The following REPS1 variants were observed in gnomAD, a reference collection of about 807,000 sequenced individuals.
REPS1 encodes ralBP1-associated Eps domain-containing protein 1.
In REPS1, 39 loss-of-function variants were observed where a neutral mutation model predicts 100.9. The observed-to-expected ratio is 0.39, with a 90% confidence interval of 0.30 to 0.50. REPS1 has a LOEUF of 0.50. Among genes scored for constraint, REPS1 ranks in the 20% least tolerant of loss-of-function variants. The pLI is 0.86. For missense variants in REPS1, 821 were observed against 968.5 expected, an observed-to-expected ratio of 0.85 and a Z score of 2.02; for synonymous variants, 324 against 340.3, an observed-to-expected ratio of 0.95 and a Z score of 0.53.
At chr6:138,980,447 C>T (rs903440520) in intron 1 of REPS1, among the ~76,000 whole-genome samples, 1 of 152,134 alleles carries the variant, frequency 6.6e-6, no homozygotes, top group Non-Finnish European at 1.5e-5. Flanking sequence ...GCCATTCTCC[C>T]CTCTTGTCCA....
At chr6:138,977,158 T>G (rs1176883439) in intron 1 of REPS1, among the ~76,000 whole-genome samples, 1 of 152,216 alleles carries the variant, frequency 6.6e-6, no homozygotes, top group Admixed American at 6.5e-5. Context: ...TAGAGCACTA[T>G]CACTACAATC....
rs764307121 is a variant in REPS1 at position 138,904,068 on chromosome 6, G to A, written c.*996C>T. ...AAAACCACACTTCTGATTCTGCCAA[G>A]ATATATCCATGCAGTTTAAAATCTA... On this transcript the variant is annotated 3_prime_UTR_variant, in exon 20 of 20. Transcript: ENST00000450536. 2.6e-5 allele frequency: 4 copies of A among 152,110 alleles called. No individual in the cohort carries two copies. Among genetic ancestry groups the A allele is most frequent in the Non-Finnish European group, 5.9e-5 (4 of 68,000 alleles). 9.4% of individuals were successfully genotyped at this position (152,110 alleles called of 1,614,324 possible). A position where few individuals can be genotyped will look rare whatever the true frequency, so the allele number is the denominator to read the frequency against.
intron 18 of REPS1, among the ~76,000 whole-genome samples, chr6:138,907,866 C>T (rs895414376): frequency 3.3e-5 from 5 of 152,112 alleles, no homozygotes; most frequent in East Asian, 1.9e-4. Flanking sequence ...AAAGTAGGTA[C>T]TGGCAAACCT....
intron 12 of REPS1, among the ~76,000 whole-genome samples, chr6:138,919,217 C>A (rs1470312479): frequency 6.6e-6 from 1 of 152,134 alleles, no homozygotes; most frequent in Non-Finnish European, 1.5e-5. Flanking sequence ...AAAAGCAACT[C>A]CTGAGGTCTT....
In REPS1 at chr6:138,987,697, C is replaced by T. The variant is rs1186847762; in HGVS notation, c.-15G>A. On this transcript the variant is annotated 5_prime_UTR_variant, in exon 1 of 20. Transcript: ENST00000450536. ...AAGCCTTCCATCTTCGCCTCCGGCT[C>T]ACGGCCGCCCCGCCCCGCATGCACT... 2.0e-6 allele frequency: 3 copies of T among 1,534,490 alleles called. No individual in the cohort carries two copies. The highest frequency in any genetic ancestry group is 2.6e-6 in the Non-Finnish European group (3 of 1,139,228).
intron 10 of REPS1, among the ~76,000 whole-genome samples, chr6:138,922,034 A>G (rs1235091078): frequency 1.3e-5 from 2 of 150,708 alleles, no homozygotes; most frequent in Non-Finnish European, 3.0e-5. Context: ...TGCTCTTATA[A>G]AAACACAGTT....
chr6:138,950,334 A>G (rs1372196080), intron 1 of REPS1, among the ~76,000 whole-genome samples: 2 of 152,150 alleles, frequency 1.3e-5, no homozygotes, highest in African/African-American at 2.4e-5. Context: ...GTTAAAAATT[A>G]ACTGGATGTG....
chr6:138,975,182 A>G (rs1462839463), intron 1 of REPS1, among the ~76,000 whole-genome samples: 1 of 152,028 alleles, frequency 6.6e-6, no homozygotes, highest in Non-Finnish European at 1.5e-5. Context: ...AAAATCCACC[A>G]CATTATCTTC....
chr6:138,920,084 G>A (rs563525940), intron 12 of REPS1, 131 bp downstream of exon 12: 1 of 521,990 alleles, frequency 1.9e-6, no homozygotes, highest in African/African-American at 2.0e-5. Context: ...ATAGGGCAAA[G>A]TGTTCGAAAG....
chr6:138,936,320 A>G (rs995275182), intron 8 of REPS1, among the ~76,000 whole-genome samples: 2 of 152,010 alleles, frequency 1.3e-5, no homozygotes, highest in African/African-American at 4.8e-5. Flanking sequence ...GGCCTACCAA[A>G]GCGCTTCTGG....
intron 1 of REPS1, among the ~76,000 whole-genome samples, chr6:138,964,502 C>T (rs973606068): frequency 6.6e-6 from 1 of 151,950 alleles, no homozygotes; most frequent in Non-Finnish European, 1.5e-5. Context: ...GGTACTTTAA[C>T]ACAGAAATAT....
At chr6:138,940,517 C>T (rs1025836380) in intron 8 of REPS1, among the ~76,000 whole-genome samples, 2 of 151,876 alleles carry the variant, frequency 1.3e-5, no homozygotes, top group African/African-American at 2.4e-5. Context: ...GAGGCCAAGG[C>T]GGGCAGATCA....
At chr6:138,908,958 T>C in intron 17 of REPS1, 142 bp from the exon 18 acceptor site, 1 of 708,916 alleles carries the variant, frequency 1.4e-6, no homozygotes, top group Admixed American at 3.4e-5. Flanking sequence ...TATATATTTG[T>C]GGCAAGAGCT....
chr6:138,953,993 C>T (rs12055514), intron 1 of REPS1, among the ~76,000 whole-genome samples: 2 of 151,990 alleles, frequency 1.3e-5, no homozygotes, highest in Non-Finnish European at 2.9e-5. Context: ...ATAATATATA[C>T]CATGGAATAC....
At chr6:138,918,763 T>C (rs1227222717) in intron 12 of REPS1, among the ~76,000 whole-genome samples, 1 of 152,208 alleles carries the variant, frequency 6.6e-6, no homozygotes, top group Admixed American at 6.5e-5. Flanking sequence ...ATCCCAGCTT[T>C]TTCTGCAGAG....
At chr6:138,916,260 GC>G (rs1250082484) in intron 13 of REPS1, 5 of 234,570 alleles carry the variant, frequency 2.1e-5, no homozygotes, top group Non-Finnish European at 3.7e-5. Context: ...TCACTCTGTT[GC>G]CCAGGCTGGA....
At chr6:138,966,375 C>T (rs1190814571) in intron 1 of REPS1, among the ~76,000 whole-genome samples, 3 of 152,022 alleles carry the variant, frequency 2.0e-5, no homozygotes, top group Non-Finnish European at 4.4e-5. Context: ...GTACTACACC[C>T]GTGCTATGGG....
chr6:138,914,662 T>C (rs774438219), intron 15 of REPS1, 35 bp downstream of exon 15: 1 of 1,533,832 alleles, frequency 6.5e-7, no homozygotes, highest in Non-Finnish European at 9.0e-7. Flanking sequence ...AAAGTGATCA[T>C]GGGACATTTA....
intron 1 of REPS1, among the ~76,000 whole-genome samples, chr6:138,981,300 A>C (rs1784937062): frequency 6.6e-6 from 1 of 152,234 alleles, no homozygotes; most frequent in African/African-American, 2.4e-5. Flanking sequence ...TAAAAAGCCT[A>C]AGTCTTAGAA....
Sources: allele counts gnomAD v4.1 joint callset (sites outside exome capture counted in the v4.1 genomes callset), GRCh38; gene constraint gnomAD v4.1.1; transcripts MANE v1.5; gene names NCBI Gene and HGNC (gene_info 2026-07-23, HGNC 2026-07-21).